Variants in TMTC1 observed in about 807,000 individuals in gnomAD.
TMTC1 encodes the protein protein O-mannosyl-transferase TMTC1.
Under a neutral mutation model 104.8 loss-of-function variants are expected in TMTC1, and 73 were observed. The ratio of observed to expected loss-of-function variants is 0.70; its 90% confidence interval spans 0.58 to 0.85. The LOEUF (loss-of-function observed/expected upper bound fraction) is 0.85, where lower values mean the gene tolerates loss of function less well. TMTC1 is among the 40% of genes least tolerant of loss of function. The pLI, the probability that TMTC1 is intolerant of heterozygous loss-of-function variation, is 0.00. For missense variants in TMTC1, 1,035 were observed against 1,096.1 expected (o/e 0.94, Z 0.79); for synonymous variants, 434 against 428.7 (o/e 1.01, Z -0.15).
At chr12:29,714,320 G>A (rs1393307568) in intron 5 of TMTC1, among the ~76,000 whole-genome samples, 1 of 152,220 alleles carries the variant, frequency 6.6e-6, no homozygotes, top group Non-Finnish European at 1.5e-5. Context: ...TGCAGCAGAA[G>A]TGCTTTATGC....
At position 29,504,368 on chromosome 12, in the gene TMTC1, T is replaced by C. The variant is rs1057125772; in HGVS notation, c.*2478A>G. On this transcript the variant is annotated 3_prime_UTR_variant, in exon 18 of 18. Transcript: ENST00000539277. ...GGACCAAATGAAAATAGTTACAAAA[T>C]ACACTTAATATCATTGAAAAATAGT... The C allele has an allele frequency of 6.6e-6, 1 of 152,022 alleles. No individual in the cohort carries two copies. The highest frequency in any genetic ancestry group is 1.5e-5 in the Non-Finnish European group (1 of 68,004). The allele number at this position is 152,022 out of a possible 1,614,324, so 9.4% of individuals were successfully genotyped here.
rs1162085164 is a variant in TMTC1, at chr12:29,548,871, TTA to T, written c.1676+7984_1676+7985del. On this transcript the variant is annotated intron_variant, in intron 10 of 17. Transcript: ENST00000539277. ...AATATATAATATATAAATATATAAA[TTA>T]TATAAAATTAATATACAATATATAA... Among the ~76,000 whole-genome samples the T allele has an allele frequency of 4.0e-5, 5 of 126,408 alleles. No individual in the cohort carries two copies. The East Asian group carries it at 1.2e-3, about 29-fold the overall frequency. The allele number at this position is 126,408 out of a possible 152,430, so 82.9% of individuals were successfully genotyped here. A position where few individuals can be genotyped will look rare whatever the true frequency, so the allele number is the denominator to read the frequency against.
chr12:29,740,193 A>T (rs1230586021), intron 5 of TMTC1, among the ~76,000 whole-genome samples: 3 of 152,060 alleles, frequency 2.0e-5, no homozygotes, highest in Non-Finnish European at 4.4e-5. Context: ...TTTAAAAAAA[A>T]TTTTGAGGAG....
intron 5 of TMTC1, among the ~76,000 whole-genome samples, chr12:29,644,602 G>A (rs1939186129): frequency 6.6e-6 from 1 of 152,108 alleles, no homozygotes; most frequent in African/African-American, 2.4e-5. Context: ...CTAAGCAGCT[G>A]CAAGAAAGAA....
At chr12:29,630,919 A>G (rs1382190694) in intron 6 of TMTC1, among the ~76,000 whole-genome samples, 2 of 152,186 alleles carry the variant, frequency 1.3e-5, no homozygotes, top group African/African-American at 2.4e-5. Flanking sequence ...GCCAACGCTC[A>G]GTGTTGGGAA....
intron 9 of TMTC1, among the ~76,000 whole-genome samples, chr12:29,558,508 C>T (rs1256860947): frequency 6.6e-6 from 1 of 152,142 alleles, no homozygotes; most frequent in African/African-American, 2.4e-5. Flanking sequence ...ATAAACATCC[C>T]TCAGAACTAA....
At chr12:29,743,087 T>C (rs1461184446) in intron 5 of TMTC1, among the ~76,000 whole-genome samples, 1 of 152,236 alleles carries the variant, frequency 6.6e-6, no homozygotes, top group African/African-American at 2.4e-5. Context: ...AGCTGTTTCA[T>C]GTACTACCTC....
In TMTC1 at chr12:29,758,765, C is replaced by A; in HGVS notation, c.493G>T (p.Val165Phe). The change falls in exon 3 of 18, where the codon GTT (valine) becomes TTT (phenylalanine). Residue 165 changes from valine to phenylalanine, a missense_variant. Coordinates refer to ENST00000539277, the MANE Select transcript of TMTC1 (RefSeq NM_001193451.2). ...PIHTEAVAGI[V>F]GRADVLACLL... ...CACGCTAACACGTCCGCTCTGCCAA[C>A]GATCCCAGCCACCTTGGAAGTTAAA... The A allele has an allele frequency of 1.2e-6, 2 of 1,604,926 alleles. No homozygotes were observed. Among genetic ancestry groups the A allele is most frequent in the South Asian group, 2.2e-5 (2 of 89,422 alleles).
intron 6 of TMTC1, among the ~76,000 whole-genome samples, chr12:29,611,272 C>T (rs1453399783): frequency 1.3e-5 from 2 of 149,142 alleles, no homozygotes; most frequent in Admixed American, 6.8e-5. Flanking sequence ...GAGATTAAAA[C>T]GTCTTCTCTC....
intron 10 of TMTC1, among the ~76,000 whole-genome samples, chr12:29,541,815 C>T (rs1018970066): frequency 1.3e-5 from 2 of 152,030 alleles, no homozygotes; most frequent in Non-Finnish European, 2.9e-5. Flanking sequence ...CACACCACCA[C>T]GCCCAGCTAA....
chr12:29,638,394 C>T (rs1938665454), intron 5 of TMTC1, among the ~76,000 whole-genome samples: 1 of 152,080 alleles, frequency 6.6e-6, no homozygotes. Flanking sequence ...AGACTACCTT[C>T]CCACTCCATC....
chr12:29,643,719 T>TA (rs1408160537), intron 5 of TMTC1, among the ~76,000 whole-genome samples: 1 of 1,440 alleles, frequency 6.9e-4, no homozygotes, highest in East Asian at 0.031. Flanking sequence ...ATATATATAA[T>TA]ATATAAATAT....
intron 5 of TMTC1, among the ~76,000 whole-genome samples, chr12:29,707,929 C>T (rs1428338448): frequency 6.6e-6 from 1 of 152,224 alleles, no homozygotes; most frequent in Non-Finnish European, 1.5e-5. Context: ...CCTTGACACA[C>T]AGAACCAAGT....
intron 5 of TMTC1, among the ~76,000 whole-genome samples, chr12:29,707,185 C>G (rs926172541): frequency 6.6e-6 from 1 of 152,120 alleles, no homozygotes; most frequent in South Asian, 2.1e-4. Context: ...GGTTTTAGAA[C>G]CATGCTGGAG....
chr12:29,580,334 A>T (rs1731568210), intron 8 of TMTC1, among the ~76,000 whole-genome samples: 1 of 152,142 alleles, frequency 6.6e-6, no homozygotes, highest in Non-Finnish European at 1.5e-5. Flanking sequence ...TAAATAAATG[A>T]ATAAATAAAA....
At position 29,536,226 on chromosome 12, in the gene TMTC1, A is replaced by G. The variant is rs747377252; in HGVS notation, c.1768T>C (p.Ser590Pro). ...EFADAYSSLA[S>P]LLAEQERFKE... ...ACAATTACCTGCTCAGCCAATAACG[A>G]AGCTAAGCTTGAATATGCATCTGCA... The change falls in exon 11 of 18, where the codon TCG (serine) becomes CCG (proline). Residue 590 changes from serine (S) to proline (P), a missense_variant. Coordinates refer to ENST00000539277, the MANE Select transcript of TMTC1 (RefSeq NM_001193451.2). The G allele has an allele frequency of 5.0e-6, 8 of 1,609,620 alleles. No individual in the cohort carries two copies. The African/African-American group carries it at 1.1e-4, about 22-fold the overall frequency.
intron 5 of TMTC1, among the ~76,000 whole-genome samples, chr12:29,741,832 T>C (rs1446330750): frequency 6.6e-6 from 1 of 152,214 alleles, no homozygotes; most frequent in Non-Finnish European, 1.5e-5. Context: ...CGGCACCCAA[T>C]TTCGACTTAT....
intron 4 of TMTC1, among the ~76,000 whole-genome samples, chr12:29,753,307 C>G (rs1029938934): frequency 6.6e-6 from 1 of 152,194 alleles, no homozygotes; most frequent in African/African-American, 2.4e-5. Flanking sequence ...CACGACCCCC[C>G]AGATACTCAG....
At chr12:29,766,488 T>C (rs979665727) in intron 2 of TMTC1, among the ~76,000 whole-genome samples, 46 of 152,206 alleles carry the variant, frequency 3.0e-4, no homozygotes, top group African/African-American at 1.1e-3. Flanking sequence ...CAGGGAGAGA[T>C]GTGAAGCCCT....
Sources: gnomAD v4.1 joint callset for allele counts (sites outside exome capture counted in the v4.1 genomes callset) on GRCh38, gnomAD v4.1.1 for gene constraint, MANE v1.5 for transcripts, NCBI Gene and HGNC (gene_info 2026-07-23, HGNC 2026-07-21) for gene names.